SVIL: variants seen among roughly 807,000 people sequenced by gnomAD.
SVIL encodes archvillin.
Under a neutral mutation model 240.4 loss-of-function variants are expected in SVIL, and 101 were observed. The observed-to-expected ratio is 0.42, with a 90% CI of 0.36 to 0.50. SVIL has a LOEUF of 0.50. Ranked by LOEUF, SVIL falls within the 20% of genes least tolerant of loss-of-function variation. The pLI is 0.01. For synonymous variants in SVIL, 999 were observed against 1,100.0 expected (o/e 0.91, Z 1.82); for missense variants, 2,512 against 2,818.7 (o/e 0.89, Z 2.46).
intron 1 of SVIL, among the ~76,000 whole-genome samples, chr10:29,621,810 A>G (rs1476120982): frequency 6.6e-6 from 1 of 152,040 alleles, no homozygotes; most frequent in African/African-American, 2.4e-5. Flanking sequence ...AAGATTTATG[A>G]GGAAAAGCTA....
At chr10:29,520,090 G>A (rs1463710171) in intron 16 of SVIL, among the ~76,000 whole-genome samples, 1 of 152,178 alleles carries the variant, frequency 6.6e-6, no homozygotes, top group African/African-American at 2.4e-5. Flanking sequence ...ATTGCTTAGT[G>A]GATAGACACA....
chr10:29,655,278 A>C (rs1474784217), intron 3 of SVIL, among the ~76,000 whole-genome samples: 1 of 152,128 alleles, frequency 6.6e-6, no homozygotes, highest in Non-Finnish European at 1.5e-5. Context: ...AAACTGGGGA[A>C]GTCAATAGTG....
chr10:29,695,920 C>T (rs1454956026), intron 1 of SVIL, among the ~76,000 whole-genome samples: 5 of 78,122 alleles, frequency 6.4e-5, no homozygotes, highest in African/African-American at 1.4e-4. Flanking sequence ...CTCCCTCTCC[C>T]GTCTCCCTCT....
intron 3 of SVIL, among the ~76,000 whole-genome samples, chr10:29,644,916 GT>G (rs1354743482): frequency 6.6e-6 from 1 of 151,976 alleles, no homozygotes; most frequent in Non-Finnish European, 1.5e-5. Flanking sequence ...GAGTCAGCCT[GT>G]GGGGACAGAA....
At chr10:29,540,421 A>T (rs1410304158) in intron 6 of SVIL, among the ~76,000 whole-genome samples, 1 of 152,252 alleles carries the variant, frequency 6.6e-6, no homozygotes, top group Non-Finnish European at 1.5e-5. Context: ...CTGATGAATG[A>T]TAATCTCCAC....
chr10:29,544,484 G>A (rs1344358142), intron 6 of SVIL, among the ~76,000 whole-genome samples: 2 of 152,132 alleles, frequency 1.3e-5, no homozygotes, highest in Non-Finnish European at 2.9e-5. Flanking sequence ...GCCAGGCCCG[G>A]TGGCTCACAC....
In SVIL at chr10:29,551,077, A is replaced by G; in HGVS notation, c.347T>C (p.Leu116Pro). The G allele has an allele frequency of 6.2e-7, 1 of 1,614,124 alleles. No homozygotes were observed. Among genetic ancestry groups the G allele is most frequent in the Non-Finnish European group, 8.5e-7 (1 of 1,180,016 alleles). Reference protein sequence around the residue: ...ARYKAERRRQLAEKYGLTLDP... With the variant: ...ARYKAERRRQPAEKYGLTLDP... ...CAGAGTCAGCCCATACTTCTCTGCC[A>G]GCTGTCGCCTTCTTTCTGCTTTGTA... is the stretch of plus-strand genomic sequence containing the variant. Residue 116 changes from leucine to proline, a missense_variant, in exon 6 of 38, where the codon CTG (leucine) becomes CCG (proline). Around this residue, in one of 3 missense-constraint regions of SVIL, gnomAD observed 1,443 missense variants for 1,486.6 expected, o/e 0.97. Coordinates refer to ENST00000355867, the MANE Select transcript of SVIL (RefSeq NM_021738.3).
chr10:29,465,169 A>T (rs1944749861), intron 34 of SVIL, among the ~76,000 whole-genome samples: 1 of 152,158 alleles, frequency 6.6e-6, no homozygotes, highest in Admixed American at 6.5e-5. Flanking sequence ...TTAAAGAGAG[A>T]GAGTGGCTAT....
chr10:29,594,996 G>A (rs529352615), intron 1 of SVIL, among the ~76,000 whole-genome samples: 1 of 152,354 alleles, frequency 6.6e-6, no homozygotes, highest in East Asian at 1.9e-4. Context: ...GGAGGGAAGA[G>A]ATGCTGGTCC....
intron 1 of SVIL, among the ~76,000 whole-genome samples, chr10:29,615,670 A>T (rs1957403190): frequency 6.6e-6 from 1 of 152,276 alleles, no homozygotes; most frequent in East Asian, 1.9e-4. Flanking sequence ...CTTTCTGCTC[A>T]TTCAAGTATG....
At chr10:29,464,892 T>G (rs1944712097) in intron 34 of SVIL, among the ~76,000 whole-genome samples, 1 of 152,188 alleles carries the variant, frequency 6.6e-6, no homozygotes, top group African/African-American at 2.4e-5. Context: ...GCCCAGTCTC[T>G]TGTTACTTTC....
chr10:29,479,749 G>A (rs977162707), intron 29 of SVIL, among the ~76,000 whole-genome samples: 27 of 152,180 alleles, frequency 1.8e-4, no homozygotes, highest in Non-Finnish European at 2.6e-4. Flanking sequence ...CTGTGGCCCC[G>A]GGGGCAGGTG....
At chr10:29,722,375 C>T (rs12773173) in intron 1 of SVIL, among the ~76,000 whole-genome samples, 28,724 of 152,014 alleles carry the variant, frequency 0.19, 2,850 homozygotes, top group Middle Eastern at 0.28. Flanking sequence ...TTATGCAAGA[C>T]CATATCAAAA....
chr10:29,619,160 A>C (rs990598500), intron 1 of SVIL, among the ~76,000 whole-genome samples: 15 of 152,098 alleles, frequency 9.9e-5, no homozygotes, highest in Non-Finnish European at 1.3e-4. Context: ...CATTATGCGC[A>C]AAAAAAATTG....
At chr10:29,485,261 G>T (rs1306852696) in intron 26 of SVIL, among the ~76,000 whole-genome samples, 1 of 151,646 alleles carries the variant, frequency 6.6e-6, no homozygotes, top group Non-Finnish European at 1.5e-5. Flanking sequence ...CTTCTCTCCA[G>T]TACACAATTC....
chr10:29,466,493 C>T (rs1018342534), intron 33 of SVIL, among the ~76,000 whole-genome samples: 12 of 152,078 alleles, frequency 7.9e-5, no homozygotes, highest in Non-Finnish European at 1.8e-4. Context: ...ACAAGCACAG[C>T]GGTTCCACAT....
chr10:29,510,244 C>A (rs909504751), intron 17 of SVIL, among the ~76,000 whole-genome samples: 120 of 152,260 alleles, frequency 7.9e-4, no homozygotes, highest in African/African-American at 2.8e-3. Flanking sequence ...TGGCTGGAGC[C>A]CCTCAAATAT....
intron 1 of SVIL, among the ~76,000 whole-genome samples, chr10:29,716,856 C>T (rs1963640377): frequency 6.6e-6 from 1 of 152,168 alleles, no homozygotes; most frequent in Admixed American, 6.5e-5. Context: ...TTTTTACAAA[C>T]ATTCACTGTA....
rs182248923 is a variant in SVIL at position 29,524,951 on chromosome 10, C to T, written c.2343-236G>A. On this transcript the variant is annotated intron_variant, in intron 13 of 37. Coordinates refer to ENST00000355867, the MANE Select transcript of SVIL (RefSeq NM_021738.3). The stretch of plus-strand genomic sequence containing the variant: ...GACTTTGAGCTCCGAATTATTTCTA[C>T]AAAACGAATTTCCTGTTTAAGACAT... 3.1e-3 allele frequency among the ~76,000 whole-genome samples: 470 copies of T among 152,174 alleles called. 3 individuals carry two copies. The highest frequency in any genetic ancestry group is 0.024 in the Middle Eastern group (7 of 294).
Sources: gnomAD v4.1 joint callset for allele counts (sites outside exome capture counted in the v4.1 genomes callset) on GRCh38, gnomAD v4.1.1 for gene constraint, gnomAD v4.1.1 regional missense constraint, MANE v1.5 for transcripts, NCBI Gene and HGNC (gene_info 2026-07-23, HGNC 2026-07-21) for gene names.